Variants in RNF128 observed in about 807,000 individuals in gnomAD.
RNF128 encodes the protein ring finger protein 128, also known as E3 ubiquitin-protein ligase RNF128.
In RNF128, 13 loss-of-function variants were observed where a neutral mutation model predicts 26.2. The observed-to-expected ratio is 0.50, with a 90% CI of 0.32 to 0.79. RNF128 has a LOEUF of 0.79. Ranked by LOEUF, RNF128 falls within the 30% of genes least tolerant of loss-of-function variation. The pLI is 0.03. For missense variants in RNF128, 315 were observed against 349.7 expected (o/e 0.90, Z 0.79); for synonymous variants, 149 against 142.5 (o/e 1.05, Z -0.32).
rs1930919953 is a variant in RNF128, at chrX:106,796,443, A to G, written c.*730A>G. On this transcript the variant is annotated 3_prime_UTR_variant, in exon 7 of 7. Transcript: ENST00000255499. Reference sequence around the variant, plus strand: ...TTGTGGGATTTTTCAAAAGCTCAGTATATGAATCATCATACTGTTTGAAAT... The same window carrying G: ...TTGTGGGATTTTTCAAAAGCTCAGTGTATGAATCATCATACTGTTTGAAAT... The G allele has an allele frequency of 8.9e-6, 1 of 111,838 alleles. No individual in the cohort carries two copies. The highest frequency in any genetic ancestry group is 1.9e-5 in the Non-Finnish European group (1 of 53,036). The allele number at this position is 111,838 out of a possible 1,213,427, so 9.2% of individuals were successfully genotyped here.
chrX:106,744,711 G>A (rs921327736), intron 1 of RNF128, among the ~76,000 whole-genome samples: 6 of 110,878 alleles, frequency 5.4e-5, no homozygotes, highest in South Asian at 3.8e-4. Context: ...CACCCACCTC[G>A]GCCTCCCAAA....
chrX:106,787,072 A>T (rs1268441827), intron 3 of RNF128, among the ~76,000 whole-genome samples: 1 of 111,030 alleles, frequency 9.0e-6, no homozygotes, highest in African/African-American at 3.3e-5. Context: ...TACACTTACC[A>T]TAGCACCTAG....
chrX:106,766,208 T>TA (rs1235829805), intron 1 of RNF128, among the ~76,000 whole-genome samples: 1 of 112,175 alleles, frequency 8.9e-6, no homozygotes, highest in African/African-American at 3.2e-5. Flanking sequence ...CAGCATGATT[T>TA]ATAATCCTTT....
At chrX:106,724,267 A>C (rs1226379585), upstream of RNF128, among the ~76,000 whole-genome samples, 1 of 110,755 alleles carries the variant, frequency 9.0e-6, no homozygotes, top group Admixed American at 9.6e-5. Context: ...ACTTCTCTTC[A>C]TGTCCACTAC....
intron 1 of RNF128, among the ~76,000 whole-genome samples, chrX:106,767,795 T>A (rs1050667396): frequency 1.8e-5 from 2 of 111,801 alleles, no homozygotes; most frequent in African/African-American, 6.5e-5. Context: ...CTTGTGCCAG[T>A]TTTCAAAGGG....
At chrX:106,795,493 G>C in intron 6 of RNF128, 87 bp from the exon 7 acceptor site, 1 of 896,705 alleles carries the variant, frequency 1.1e-6, no homozygotes, top group East Asian at 3.2e-5. Flanking sequence ...AATTAAATAA[G>C]AAAGACTTCT....
intron 1 of RNF128, among the ~76,000 whole-genome samples, chrX:106,717,349 G>T (rs1929235408): frequency 8.9e-6 from 1 of 111,871 alleles, no homozygotes; most frequent in South Asian, 3.7e-4. Flanking sequence ...TCAATTAGAA[G>T]GCTATTTACA....
At chrX:106,701,389 T>A (rs968989918) in intron 1 of RNF128, among the ~76,000 whole-genome samples, 8 of 111,557 alleles carry the variant, frequency 7.2e-5, no homozygotes, top group Non-Finnish European at 1.5e-4. Flanking sequence ...TTTTTAATTT[T>A]GTTATTCTTA....
intron 1 of RNF128, among the ~76,000 whole-genome samples, chrX:106,740,457 G>T (rs1929684214): frequency 8.9e-6 from 1 of 111,948 alleles, no homozygotes; most frequent in African/African-American, 3.2e-5. Flanking sequence ...GTAAGTCTAG[G>T]CTATGACCTA....
At chrX:106,786,788 A>T (rs1356396394) in intron 3 of RNF128, among the ~76,000 whole-genome samples, 1 of 111,335 alleles carries the variant, frequency 9.0e-6, no homozygotes, top group Admixed American at 9.6e-5. Flanking sequence ...GAAAACTGGC[A>T]AGCAAAACAG....
chrX:106,705,680 T>G (rs1929031662), intron 1 of RNF128, among the ~76,000 whole-genome samples: 1 of 111,891 alleles, frequency 8.9e-6, no homozygotes, highest in Non-Finnish European at 1.9e-5. Context: ...TCAACTGATT[T>G]TTTTAGCCTC....
chrX:106,726,663 A>G, upstream of RNF128: 1 of 987,322 alleles, frequency 1.0e-6, no homozygotes, highest in South Asian at 3.2e-5. Context: ...GGCTGGGCGG[A>G]GCTTCACGCT....
At chrX:106,712,034 T>A (rs370426098) in intron 1 of RNF128, among the ~76,000 whole-genome samples, 1 of 112,481 alleles carries the variant, frequency 8.9e-6, no homozygotes, top group East Asian at 2.8e-4. Flanking sequence ...ATATGCTAAG[T>A]TTTGCCATTA....
chrX:106,748,907 TATTTG>T (rs1929831610), intron 1 of RNF128, among the ~76,000 whole-genome samples: 1 of 111,899 alleles, frequency 8.9e-6, no homozygotes, highest in African/African-American at 3.2e-5. Context: ...GAAAAATAAA[TATTTG>T]AGATGACAAA....
At chrX:106,770,651 A>G (rs1458088965) in intron 1 of RNF128, among the ~76,000 whole-genome samples, 3 of 111,406 alleles carry the variant, frequency 2.7e-5, no homozygotes, top group East Asian at 5.7e-4. Flanking sequence ...CCATTCGTCT[A>G]ATCTTTTTTC....
At chrX:106,719,805 G>C (rs1037642493) in intron 1 of RNF128, among the ~76,000 whole-genome samples, 2 of 107,555 alleles carry the variant, frequency 1.9e-5, no homozygotes, top group African/African-American at 6.8e-5. Context: ...GTCAACAGCA[G>C]AGTTAAAAAT....
chrX:106,711,086 TA>T (rs113608978), intron 1 of RNF128, among the ~76,000 whole-genome samples: 35 of 111,740 alleles, frequency 3.1e-4, no homozygotes, highest in African/African-American at 1.1e-3. Flanking sequence ...TAATTTTTGC[TA>T]AAAAAAATCA....
intron 5 of RNF128, among the ~76,000 whole-genome samples, 164 bp downstream of exon 5, chrX:106,790,446 C>T (rs920185594): frequency 1.2e-4 from 13 of 110,122 alleles, no homozygotes; most frequent in Non-Finnish European, 2.5e-4. Context: ...CCATCTTGGG[C>T]CATCTCCATT....
At chrX:106,694,164 T>C in exon 1 of RNF128, 1 of 1,210,986 alleles carries the variant, frequency 8.3e-7, no homozygotes, top group Admixed American at 2.2e-5. Flanking sequence ...GTGGCGTTTA[T>C]GGATTAGCTT....
Sources: allele counts gnomAD v4.1 joint callset (sites outside exome capture counted in the v4.1 genomes callset), GRCh38; gene constraint gnomAD v4.1.1; transcripts MANE v1.5; gene names NCBI Gene and HGNC (gene_info 2026-07-23, HGNC 2026-07-21).